The following CFHR2 variants were observed in gnomAD, a reference collection of about 807,000 sequenced individuals.
CFHR2 encodes complement factor H related 2.
Under a neutral mutation model 21.7 loss-of-function variants are expected in CFHR2, and 22 were observed. That is an observed-to-expected ratio of 1.01 (90% CI 0.72 to 1.45). The LOEUF (loss-of-function observed/expected upper bound fraction) is 1.45, where lower values mean the gene tolerates loss of function less well. CFHR2 is among the 40% of genes most tolerant of loss of function. The pLI, the probability that CFHR2 is intolerant of heterozygous loss-of-function variation, is 0.00. For synonymous variants in CFHR2, 98 were observed against 97.4 expected (o/e 1.01, Z -0.04); for missense variants, 294 against 293.3 (o/e 1.00, Z -0.02).
chr1:196,957,896 G>A lies in CFHR2; in HGVS notation c.436G>A (p.Ala146Thr), dbSNP rs766879673. The A allele has an allele frequency of 1.2e-6, 2 of 1,606,328 alleles. No homozygotes were observed. The highest frequency in any genetic ancestry group is 1.1e-5 in the South Asian group (1 of 89,266). The change falls in exon 4 of 5, where the codon GCA becomes ACA. Residue 146 changes from alanine to threonine, a missense_variant. By Grantham distance (58) the Ala-to-Thr change is moderately conservative. Transcript: ENST00000367415. ...ATCAAATGATGTTTTTTTAGTTTCT[G>A]CAGAAAAATGTGGGCCCCCTCCACC... ...TPPKCRSTIS[A>T]EKCGPPPPID...
intron 1 of CFHR2, among the ~76,000 whole-genome samples, chr1:196,948,988 C>T (rs1341421489): frequency 2.0e-5 from 3 of 152,000 alleles, no homozygotes; most frequent in Non-Finnish European, 4.4e-5. Flanking sequence ...ACTAACTACC[C>T]AACATCTTTT....
chr1:196,954,082 A>G (rs975796807), intron 3 of CFHR2, among the ~76,000 whole-genome samples: 1 of 152,236 alleles, frequency 6.6e-6, no homozygotes, highest in African/African-American at 2.4e-5. Flanking sequence ...CAAAAAACCT[A>G]GAAGATGGGT....
rs1381286349 is a variant in CFHR2 at position 196,958,005 on chromosome 1, A to G, written c.545A>G (p.Tyr182Cys). Reference protein sequence around the residue: ...SSVEYQCQNLYQLEGNNQITC... With the variant: ...SSVEYQCQNLCQLEGNNQITC... ...GTTGAGTACCAGTGCCAGAACTTGT[A>G]TCAACTTGAGGGTAACAATCAAATA... is the stretch of plus-strand genomic sequence containing the variant. Residue 182 changes from tyrosine to cysteine, a missense_variant, in exon 4 of 5, where the codon TAT (tyrosine) becomes TGT (cysteine). Coordinates refer to ENST00000367415, the MANE Select transcript of CFHR2 (RefSeq NM_005666.4). 2 of 1,613,676 alleles carry G rather than the reference A, an allele frequency of 1.2e-6. No individual in the cohort carries two copies. The highest frequency in any genetic ancestry group is 1.7e-5 in the Admixed American group (1 of 59,970).
At chr1:196,956,119 T>C (rs1473079779) in intron 3 of CFHR2, among the ~76,000 whole-genome samples, 1 of 152,102 alleles carries the variant, frequency 6.6e-6, no homozygotes, top group Non-Finnish European at 1.5e-5. Context: ...CCTCAATATC[T>C]GGGGATTACA....
At chr1:196,955,254 G>T (rs1652821675) in intron 3 of CFHR2, among the ~76,000 whole-genome samples, 1 of 152,148 alleles carries the variant, frequency 6.6e-6, no homozygotes, top group Non-Finnish European at 1.5e-5. Context: ...CTTTGCTCCA[G>T]TTCCTAATAA....
intron 3 of CFHR2, among the ~76,000 whole-genome samples, chr1:196,954,790 G>C (rs150130812): frequency 1.3e-5 from 2 of 152,210 alleles, no homozygotes; most frequent in East Asian, 3.9e-4. Flanking sequence ...CTATATGTTG[G>C]CCCCATTTAG....
At chr1:196,949,927 T>G (rs1659662122) in intron 2 of CFHR2, among the ~76,000 whole-genome samples, 1 of 152,254 alleles carries the variant, frequency 6.6e-6, no homozygotes, top group African/African-American at 2.4e-5. Context: ...ATTTCTTTAC[T>G]AATATTCATT....
At chr1:196,954,006 A>C (rs1003608978) in intron 3 of CFHR2, among the ~76,000 whole-genome samples, 1 of 152,252 alleles carries the variant, frequency 6.6e-6, no homozygotes, top group African/African-American at 2.4e-5. Context: ...TTGAATCAGA[A>C]GATATTCATA....
intron 3 of CFHR2, among the ~76,000 whole-genome samples, chr1:196,956,988 G>A (rs371499148): frequency 6.6e-6 from 1 of 152,130 alleles, no homozygotes; most frequent in East Asian, 1.9e-4. Context: ...GACCATGTGG[G>A]TAGAAGTCTA....
At chr1:196,950,486 G>A (rs1404688445) in intron 2 of CFHR2, among the ~76,000 whole-genome samples, 1 of 151,140 alleles carries the variant, frequency 6.6e-6, no homozygotes, top group African/African-American at 2.4e-5. Flanking sequence ...GTTTTGTTTT[G>A]TTTTTGAGAC....
At chr1:196,956,845 A>G (rs1652901655) in intron 3 of CFHR2, among the ~76,000 whole-genome samples, 3 of 150,940 alleles carry the variant, frequency 2.0e-5, no homozygotes, top group Admixed American at 2.0e-4. Flanking sequence ...TTTAGGTGTT[A>G]TATTTTGAGT....
At chr1:196,955,684 G>C (rs1400014671) in intron 3 of CFHR2, among the ~76,000 whole-genome samples, 3 of 149,884 alleles carry the variant, frequency 2.0e-5, no homozygotes, top group Non-Finnish European at 4.4e-5. Flanking sequence ...CTCTGTCTTT[G>C]ATAAAATATA....
At chr1:196,951,222 T>C (rs548634081) in intron 3 of CFHR2, among the ~76,000 whole-genome samples, 194 bp downstream of exon 3, 1 of 152,308 alleles carries the variant, frequency 6.6e-6, no homozygotes, top group East Asian at 1.9e-4. Context: ...ATAAATCAAA[T>C]ATATGTGATA....
chr1:196,959,360 T>C lies in CFHR2; in HGVS notation c.*280T>C. On this transcript the variant is annotated 3_prime_UTR_variant, in exon 5 of 5. Transcript: ENST00000367415. ...CATGGAGTACATAGTAATGTTTCCA[T>C]ATATATAATGTATAATGGTCAGTTA... 1 of 287,956 alleles carries C rather than the reference T, an allele frequency of 3.5e-6. No individual in the cohort carries two copies. 17.8% of individuals were successfully genotyped at this position (287,956 alleles called of 1,614,324 possible).
chr1:196,951,046 C>T lies in CFHR2; in HGVS notation c.430+18C>T. Reference sequence around the variant, plus strand: ...GTCCACTAGTAAGTGCAATGTTGTTCTCTCAGATGCTGTTATATTATAAAG... The same window carrying T: ...GTCCACTAGTAAGTGCAATGTTGTTTTCTCAGATGCTGTTATATTATAAAG... On this transcript the variant is annotated intron_variant, in intron 3 of 4. Coordinates refer to ENST00000367415, the MANE Select transcript of CFHR2 (RefSeq NM_005666.4). 3 of 1,613,152 alleles carry T rather than the reference C, an allele frequency of 1.9e-6. No homozygotes were observed. Among genetic ancestry groups the T allele is most frequent in the Non-Finnish European group, 2.5e-6 (3 of 1,179,252 alleles).
In CFHR2 at chr1:196,958,324, T is replaced by G. The variant is rs958124412; in HGVS notation, c.613+251T>G. 4.6e-5 allele frequency among the ~76,000 whole-genome samples: 7 copies of G among 152,018 alleles called. No homozygotes were observed. The East Asian group carries it at 1.3e-3, about 29-fold the overall frequency. On this transcript the variant is annotated intron_variant, in intron 4 of 4. Coordinates refer to ENST00000367415, the MANE Select transcript of CFHR2 (RefSeq NM_005666.4). ...TTCTACAACATGTTGATTTGATATATTTATAAAGCAATGATTACTATAAAT... is the reference window on the plus strand; with the variant it reads ...TTCTACAACATGTTGATTTGATATAGTTATAAAGCAATGATTACTATAAAT...
At chr1:196,947,153 G>GTGTGTGTGTGTGTATATA (rs545777035) in intron 1 of CFHR2, among the ~76,000 whole-genome samples, 12 of 151,776 alleles carry the variant, frequency 7.9e-5, no homozygotes, top group African/African-American at 2.7e-4. Flanking sequence ...GTGTGTGTGT[G>GTGTGTGTGTGTGTATATA]TATCCCAGAA....
intron 2 of CFHR2, among the ~76,000 whole-genome samples, chr1:196,950,255 T>C (rs191555424): frequency 1.8e-4 from 27 of 152,314 alleles, no homozygotes; most frequent in Admixed American, 9.8e-4. Flanking sequence ...TATGTAGATG[T>C]TCTTTTGTCC....
intron 3 of CFHR2, among the ~76,000 whole-genome samples, chr1:196,955,778 C>A (rs1057093974): frequency 2.0e-5 from 3 of 152,022 alleles, no homozygotes; most frequent in Admixed American, 2.0e-4. Flanking sequence ...GCTGGGGAAG[C>A]AGAGGCTGCA....
Sources: allele counts gnomAD v4.1 joint callset (sites outside exome capture counted in the v4.1 genomes callset), GRCh38; gene constraint gnomAD v4.1.1; transcripts MANE v1.5; gene names NCBI Gene and HGNC (gene_info 2026-07-23, HGNC 2026-07-21).